DTNA: variants seen among roughly 807,000 people sequenced by gnomAD.
The protein encoded by DTNA is dystrobrevin alpha.
DTNA carries 43 observed loss-of-function variants against 100.7 expected under a neutral mutation model. The ratio of observed to expected loss-of-function variants is 0.43; its 90% CI spans 0.33 to 0.55. The LOEUF (loss-of-function observed/expected upper bound fraction) is 0.55. DTNA is among the 20% of genes least tolerant of loss of function. DTNA has a pLI of 0.04. For missense variants in DTNA, 798 were observed against 953.9 expected, an observed-to-expected ratio of 0.84 and a Z score of 2.15; for synonymous variants, 349 against 347.9, an observed-to-expected ratio of 1.00 and a Z score of -0.04.
At chr18:34,685,934 CTGTT>C (rs553111059) in intron 1 of DTNA, among the ~76,000 whole-genome samples, 65 of 152,240 alleles carry the variant, frequency 4.3e-4, no homozygotes, top group Non-Finnish European at 7.8e-4. Context: ...ATTTGGCTCT[CTGTT>C]TGTCTATTAC....
chr18:34,699,575 T>C (rs915489861), intron 1 of DTNA, among the ~76,000 whole-genome samples: 1 of 152,224 alleles, frequency 6.6e-6, no homozygotes, highest in Non-Finnish European at 1.5e-5. Context: ...TAAAATTCAC[T>C]GTCACACAAC....
intron 1 of DTNA, among the ~76,000 whole-genome samples, chr18:34,510,332 C>T (rs939464126): frequency 4.0e-5 from 6 of 151,676 alleles, no homozygotes; most frequent in Non-Finnish European, 5.9e-5. Flanking sequence ...CTCAGTACCC[C>T]GACTAGCATC....
intron 1 of DTNA, among the ~76,000 whole-genome samples, chr18:34,539,699 A>G (rs937558591): frequency 2.4e-4 from 36 of 152,112 alleles, no homozygotes; most frequent in African/African-American, 8.4e-4. Flanking sequence ...ATGTGAACAT[A>G]TCTTTTCCTT....
At chr18:34,851,802 T>C (rs765373570) in intron 14 of DTNA, 29 bp from the exon 15 acceptor site, 2 of 1,610,892 alleles carry the variant, frequency 1.2e-6, no homozygotes, top group Non-Finnish European at 8.5e-7. Flanking sequence ...ATTCTCAATA[T>C]GAAATCTTAT....
rs575453760 is a variant in DTNA, at chr18:34,866,224, A to G, written c.1743+2162A>G. 7.4e-6 allele frequency: 12 copies of G among 1,612,680 alleles called. No homozygotes were observed. In the East Asian group the frequency reaches 1.6e-4, roughly 21 times the overall value. ...ATTGCTTTTGCTCTAATGTATGTTC[A>G]TGCTTCAGTTTGGAAAGAGAAAAAA... On this transcript the variant is annotated intron_variant, in intron 17 of 22. Coordinates refer to ENST00000444659, the MANE Select transcript of DTNA (RefSeq NM_001386795.1).
At chr18:34,656,519 G>C (rs1248113243) in intron 1 of DTNA, among the ~76,000 whole-genome samples, 2 of 152,144 alleles carry the variant, frequency 1.3e-5, no homozygotes, top group African/African-American at 4.8e-5. Context: ...TGAACTTCCA[G>C]GTCACGGAGC....
chr18:34,545,847 C>A (rs1473960519), intron 1 of DTNA, among the ~76,000 whole-genome samples: 3 of 151,904 alleles, frequency 2.0e-5, no homozygotes. Context: ...TTATTTGTTT[C>A]TCCGCAGGCT....
chr18:34,706,886 A>C (rs2082186506), upstream of DTNA, among the ~76,000 whole-genome samples: 1 of 152,194 alleles, frequency 6.6e-6, no homozygotes, highest in South Asian at 2.1e-4. Context: ...CCCAAGAAAC[A>C]ATGTGCTTGC....
intron 1 of DTNA, among the ~76,000 whole-genome samples, chr18:34,742,286 T>C (rs1044081897): frequency 6.6e-6 from 1 of 152,198 alleles, no homozygotes; most frequent in Non-Finnish European, 1.5e-5. Context: ...ATTATCTTAC[T>C]GTTCTGAGAT....
At chr18:34,569,907 AC>A in intron 1 of DTNA, among the ~76,000 whole-genome samples, 1 of 152,096 alleles carries the variant, frequency 6.6e-6, no homozygotes, top group Non-Finnish European at 1.5e-5. Flanking sequence ...ACACACACAC[AC>A]AAAATAATAA....
chr18:34,607,054 G>A (rs1194248341), intron 1 of DTNA, among the ~76,000 whole-genome samples: 2 of 152,146 alleles, frequency 1.3e-5, no homozygotes, highest in Non-Finnish European at 1.5e-5. Flanking sequence ...CCTCCCATCT[G>A]TATCCAGTTC....
At chr18:34,757,677 C>G (rs975458216) in intron 2 of DTNA, among the ~76,000 whole-genome samples, 1 of 152,044 alleles carries the variant, frequency 6.6e-6, no homozygotes, top group East Asian at 1.9e-4. Flanking sequence ...AAAGAAAGCT[C>G]GATATGATTT....
At chr18:34,693,045 A>T (rs2080005335) in intron 1 of DTNA, among the ~76,000 whole-genome samples, 1 of 152,212 alleles carries the variant, frequency 6.6e-6, no homozygotes. Flanking sequence ...TAAGAATAAT[A>T]ATGTATATTA....
intron 1 of DTNA, among the ~76,000 whole-genome samples, chr18:34,590,089 T>G (rs116187140): frequency 1.3e-5 from 2 of 152,124 alleles, no homozygotes; most frequent in Admixed American, 1.3e-4. Flanking sequence ...CCTTTAGGAG[T>G]TGATGTATTT....
chr18:34,689,633 C>T (rs975438787), intron 1 of DTNA, among the ~76,000 whole-genome samples: 13 of 152,190 alleles, frequency 8.5e-5, no homozygotes, highest in African/African-American at 3.1e-4. Flanking sequence ...CAGGGACCCA[C>T]TTGAGGAGGC....
At chr18:34,862,358 T>C (rs950644725) in intron 16 of DTNA, among the ~76,000 whole-genome samples, 2 of 151,714 alleles carry the variant, frequency 1.3e-5, no homozygotes, top group African/African-American at 4.8e-5. Context: ...GAGTAAGCAG[T>C]CCTTACTCTT....
At chr18:34,551,129 C>G (rs1378046265) in intron 1 of DTNA, among the ~76,000 whole-genome samples, 1 of 152,192 alleles carries the variant, frequency 6.6e-6, no homozygotes, top group Non-Finnish European at 1.5e-5. Flanking sequence ...CATTCATGCT[C>G]TCCTGATGGA....
intron 20 of DTNA, among the ~76,000 whole-genome samples, chr18:34,881,666 C>T (rs1295628521): frequency 1.3e-5 from 2 of 151,928 alleles, no homozygotes; most frequent in African/African-American, 4.8e-5. Flanking sequence ...CTAGAGGGCT[C>T]ACTCTCCACA....
At chr18:34,629,108 T>C (rs1214807191) in intron 1 of DTNA, among the ~76,000 whole-genome samples, 3 of 152,218 alleles carry the variant, frequency 2.0e-5, no homozygotes, top group African/African-American at 4.8e-5. Context: ...AAGAATTCTC[T>C]GCTATGTTTA....
Sources: gnomAD v4.1 joint callset for allele counts (sites outside exome capture counted in the v4.1 genomes callset) on GRCh38, gnomAD v4.1.1 for gene constraint, MANE v1.5 for transcripts, NCBI Gene and HGNC (gene_info 2026-07-23, HGNC 2026-07-21) for gene names.